Variants in GBE1 observed in about 807,000 individuals in gnomAD.
The protein encoded by GBE1 is 1,4-alpha-glucan branching enzyme 1.
GBE1 carries 70 observed loss-of-function variants against 88.8 expected under a neutral mutation model. The ratio of observed to expected loss-of-function variants is 0.79; its 90% CI spans 0.65 to 0.96. The LOEUF is 0.96. GBE1 is among the 40% of genes least tolerant of loss of function. The pLI is 0.00. For missense variants in GBE1, 872 were observed against 871.0 expected (o/e 1.00, Z -0.01); for synonymous variants, 284 against 300.1 (o/e 0.95, Z 0.56).
intron 1 of GBE1, among the ~76,000 whole-genome samples, chr3:81,717,246 ACT>A (rs1429852902): frequency 6.6e-6 from 1 of 152,052 alleles, no homozygotes; most frequent in East Asian, 1.9e-4. Flanking sequence ...CTCAAATAAC[ACT>A]CTGCTCTTCT....
chr3:81,656,944 T>G (rs1418256915), intron 3 of GBE1, among the ~76,000 whole-genome samples: 6 of 151,850 alleles, frequency 4.0e-5, no homozygotes, highest in Non-Finnish European at 7.4e-5. Context: ...TCACCTGAGG[T>G]CAGAAGTTCC....
intron 1 of GBE1, among the ~76,000 whole-genome samples, chr3:81,726,276 A>C (rs2107197575): frequency 1.3e-5 from 2 of 152,186 alleles, no homozygotes; most frequent in South Asian, 4.1e-4. Context: ...AACCAGGCTT[A>C]GAGGAGAATG....
rs780840389 is a variant in GBE1 at position 81,577,963 on chromosome 3, G to A, written c.1580C>T (p.Thr527Met). Residue 527 changes from threonine (T) to methionine (M), a missense_variant, in exon 12 of 16, where the codon ACG becomes ATG. Thr to Met is a moderately conservative substitution (Grantham distance 81). Transcript: ENST00000429644. Reference protein sequence around the residue: ...IQLHKMIRLITHGLGGEGYLN... With the variant: ...IQLHKMIRLIMHGLGGEGYLN... The stretch of plus-strand genomic sequence containing the variant: ...ATAGCCTTCTCCACCAAGCCCATGC[G>A]TAATGAGTCGAATCATTTTATGAAG... 8.7e-6 allele frequency: 14 copies of A among 1,606,648 alleles called. No homozygotes were observed. Among genetic ancestry groups the A allele is most frequent in the Admixed American group, 6.8e-5 (4 of 58,578 alleles).
At chr3:81,652,735 T>C (rs1312174745) in intron 3 of GBE1, among the ~76,000 whole-genome samples, 1 of 152,226 alleles carries the variant, frequency 6.6e-6, no homozygotes, top group Non-Finnish European at 1.5e-5. Context: ...ACTTTCTGTT[T>C]CTAAATTCTT....
At chr3:81,534,966 C>T (rs2106869102) in intron 14 of GBE1, 2 of 425,752 alleles carry the variant, frequency 4.7e-6, no homozygotes, top group South Asian at 5.3e-5. Flanking sequence ...TGAACCACGT[C>T]TGCACTAACC....
At chr3:81,555,363 T>C (rs764229014) in intron 12 of GBE1, among the ~76,000 whole-genome samples, 11 of 152,172 alleles carry the variant, frequency 7.2e-5, no homozygotes, top group Admixed American at 7.2e-4. Flanking sequence ...AGGTAAACCA[T>C]AAACTCTTCC....
intron 3 of GBE1, among the ~76,000 whole-genome samples, chr3:81,663,234 C>T (rs748930551): frequency 6.6e-6 from 1 of 152,168 alleles, no homozygotes; most frequent in African/African-American, 2.4e-5. Flanking sequence ...CAATACCACC[C>T]TGGCCCGCCA....
chr3:81,608,239 C>T (rs1031256645), intron 7 of GBE1, among the ~76,000 whole-genome samples: 8 of 152,174 alleles, frequency 5.3e-5, no homozygotes, highest in African/African-American at 1.9e-4. Context: ...ACCACCTCCT[C>T]CCCTGTCATC....
At chr3:81,574,964 A>T (rs1703624997) in intron 12 of GBE1, among the ~76,000 whole-genome samples, 1 of 152,152 alleles carries the variant, frequency 6.6e-6, no homozygotes, top group Admixed American at 6.6e-5. Context: ...GGAGATCGAG[A>T]TCATCCTGTC....
At chr3:81,641,975 T>C (rs1704688489) in intron 7 of GBE1, among the ~76,000 whole-genome samples, 1 of 150,420 alleles carries the variant, frequency 6.6e-6, no homozygotes, top group African/African-American at 2.4e-5. Context: ...TATAAAAATA[T>C]GTATTATACA....
intron 1 of GBE1, among the ~76,000 whole-genome samples, chr3:81,725,812 T>C (rs545555658): frequency 6.6e-5 from 10 of 152,326 alleles, no homozygotes; most frequent in Admixed American, 2.0e-4. Context: ...TGGTCCATCA[T>C]TGACTAACAA....
At chr3:81,633,839 T>A (rs1052329589) in intron 7 of GBE1, among the ~76,000 whole-genome samples, 1 of 152,186 alleles carries the variant, frequency 6.6e-6, no homozygotes, top group Admixed American at 6.6e-5. Flanking sequence ...CTAAGGCACA[T>A]TTTGGAACCC....
intron 1 of GBE1, among the ~76,000 whole-genome samples, chr3:81,709,188 CTAATT>C (rs1039537619): frequency 6.6e-6 from 1 of 152,078 alleles, no homozygotes; most frequent in Non-Finnish European, 1.5e-5. Flanking sequence ...TGAACTCTTC[CTAATT>C]TAAACAGTGG....
chr3:81,667,508 A>G (rs540550214), intron 3 of GBE1, among the ~76,000 whole-genome samples: 1 of 152,252 alleles, frequency 6.6e-6, no homozygotes, highest in East Asian at 1.9e-4. Flanking sequence ...AAGAGAGGGA[A>G]TCCTTGTCTT....
chr3:81,573,402 T>C (rs1703600397), intron 12 of GBE1, among the ~76,000 whole-genome samples: 1 of 152,212 alleles, frequency 6.6e-6, no homozygotes, highest in South Asian at 2.1e-4. Context: ...AAGCATATCA[T>C]ATTTTTACCA....
intron 12 of GBE1, among the ~76,000 whole-genome samples, chr3:81,548,485 C>T (rs879423889): frequency 5.3e-5 from 8 of 151,200 alleles, no homozygotes; most frequent in South Asian, 2.1e-4. Context: ...TCCAAAATTA[C>T]GTAAAACTCC....
At chr3:81,632,448 T>A (rs1412383049) in intron 7 of GBE1, among the ~76,000 whole-genome samples, 4 of 151,644 alleles carry the variant, frequency 2.6e-5, no homozygotes, top group Non-Finnish European at 4.4e-5. Flanking sequence ...CCAACAAAGA[T>A]GAAAAAAAAG....
chr3:81,546,218 TCACA>T (rs141041109), intron 12 of GBE1, among the ~76,000 whole-genome samples: 1,688 of 148,830 alleles, frequency 0.011, 25 homozygotes, highest in African/African-American at 0.039. Context: ...ACACACAAAC[TCACA>T]CACACACACA....
intron 2 of GBE1, among the ~76,000 whole-genome samples, chr3:81,680,933 GAAAT>G (rs912995850): frequency 1.2e-4 from 19 of 152,226 alleles, no homozygotes; most frequent in African/African-American, 4.1e-4. Context: ...AGAACTGCAA[GAAAT>G]AAACGTCTGT....
Sources: allele counts gnomAD v4.1 joint callset (sites outside exome capture counted in the v4.1 genomes callset), GRCh38; gene constraint gnomAD v4.1.1; transcripts MANE v1.5; gene names NCBI Gene and HGNC (gene_info 2026-07-23, HGNC 2026-07-21).